The following DYNC2H1 variants were observed in gnomAD, a reference collection of about 807,000 sequenced individuals.
The protein encoded by DYNC2H1 is dynein cytoplasmic 2 heavy chain 1, also known as cytoplasmic dynein 2 heavy chain 1.
Under a neutral mutation model 570.0 loss-of-function variants are expected in DYNC2H1, and 410 were observed. The observed-to-expected ratio is 0.72, with a 90% CI of 0.66 to 0.78. The LOEUF (loss-of-function observed/expected upper bound fraction) is 0.78, where lower values mean the gene tolerates loss of function less well. Among genes scored for constraint, DYNC2H1 ranks in the 30% least tolerant of loss-of-function variants. The pLI, the probability that DYNC2H1 is intolerant of heterozygous loss-of-function variation, is 0.00. For missense variants in DYNC2H1, 4,865 were observed against 5,046.4 expected (o/e 0.96, Z 1.09); for synonymous variants, 1,688 against 1,677.6 (o/e 1.01, Z -0.15).
In DYNC2H1 at chr11:103,109,534, T is replaced by TCCTTCCC. The variant is rs754990231; in HGVS notation, c.-31_-25dup. 1.9e-6 allele frequency: 3 copies of TCCTTCCC among 1,585,398 alleles called. No homozygotes were observed. The East Asian group carries it at 6.8e-5, about 36-fold the overall frequency. ...ACTTCCCTCCGGACTGGTTTCTTCT[T>TCCTTCCC]CCTTCCCCCTTCCCCCAACTTCCCT... On this transcript the variant is annotated 5_prime_UTR_variant, in exon 1 of 89. Transcript: ENST00000375735.
chr11:103,303,083 T>C lies in DYNC2H1; in HGVS notation c.11096-10T>C, dbSNP rs1407544955. The C allele has an allele frequency of 4.2e-6, 6 of 1,439,274 alleles. No homozygotes were observed. The highest frequency in any genetic ancestry group is 2.8e-5 in the Admixed American group (1 of 35,890). The allele number at this position is 1,439,274 out of a possible 1,614,324, so 89.2% of individuals were successfully genotyped here. On this transcript the variant is annotated splice_polypyrimidine_tract_variant and intron_variant, in intron 75 of 88. Transcript: ENST00000375735. ...GCTTTTATTTTTAATTTTTAAAATA[T>C]ATATTTTAGGACTGAAAGAGGTGTC...
Position 103,244,046 on chromosome 11 carries a change from T to C in DYNC2H1, c.9918+255T>C, listed in dbSNP as rs1864519332. Among the ~76,000 whole-genome samples the C allele has an allele frequency of 6.6e-6, 1 of 152,120 alleles. No homozygotes were observed. The highest frequency in any genetic ancestry group is 2.4e-5 in the African/African-American group (1 of 41,452). On this transcript the variant is annotated intron_variant, in intron 64 of 88. Transcript: ENST00000375735. This position sits in a 1 kb window ranked among gnomAD's most constrained non-coding sequence, Gnocchi z 4.3. ...TTCCCTTATAAAGATGACAGTCTAG[T>C]AGGTTAGAGAAACAATTAAAGAAGC... is the stretch of plus-strand genomic sequence containing the variant.
chr11:103,456,242 T>C (rs1409485303), intron 86 of DYNC2H1, 33 bp from the exon 87 acceptor site: 1 of 1,541,434 alleles, frequency 6.5e-7, no homozygotes, highest in East Asian at 2.3e-5. Context: ...CTAAGGATTA[T>C]TGATTTGTGA....
chr11:103,288,456 A>C (rs1287650220), intron 75 of DYNC2H1, among the ~76,000 whole-genome samples: 1 of 151,874 alleles, frequency 6.6e-6, no homozygotes, highest in Admixed American at 6.6e-5. Flanking sequence ...TGACTCTGAA[A>C]CAATATTGAT....
rs377562838 is a variant in DYNC2H1 at position 103,122,860 on chromosome 11, A to T, written c.1521A>T (p.Leu507Phe). 6.2e-7 allele frequency: 1 copy of T among 1,613,256 alleles called. No homozygotes were observed. The highest frequency in any genetic ancestry group is 8.5e-7 in the Non-Finnish European group (1 of 1,179,550). ...CTATCAAGATTGCAGAGGCTCTTTT[A>T]TCTGACTTGCCAGGATTTCGATGTT... ...DDTIKIAEALLSDLPGFRCFH... is the reference protein window; with the variant it reads ...DDTIKIAEALFSDLPGFRCFH... The change falls in exon 11 of 89, where the codon TTA becomes TTT. Residue 507 changes from leucine to phenylalanine, a missense_variant. Leu to Phe is a conservative substitution (Grantham distance 22). This residue lies in a region of DYNC2H1 where 1,936 missense variants were observed against 1,962.1 expected (regional missense o/e 0.99). Transcript: ENST00000375735.
intron 66 of DYNC2H1, among the ~76,000 whole-genome samples, chr11:103,253,957 C>T (rs1206790359): frequency 6.6e-6 from 1 of 152,072 alleles, no homozygotes; most frequent in African/African-American, 2.4e-5. Flanking sequence ...CATGTCCATA[C>T]TCACATGTTT....
At chr11:103,420,666 C>A (rs1490070969) in intron 84 of DYNC2H1, among the ~76,000 whole-genome samples, 1 of 152,164 alleles carries the variant, frequency 6.6e-6, no homozygotes. Context: ...CCTTTTCAGA[C>A]AAGTAAATGC....
intron 87 of DYNC2H1, among the ~76,000 whole-genome samples, chr11:103,459,455 G>T (rs1016909912): frequency 5.9e-5 from 9 of 151,690 alleles, no homozygotes; most frequent in Non-Finnish European, 1.3e-4. Context: ...TGTAAGTCCC[G>T]CAAGAGTAGT....
At chr11:103,399,327 TG>T (rs1293776128) in intron 83 of DYNC2H1, among the ~76,000 whole-genome samples, 5 of 136,356 alleles carry the variant, frequency 3.7e-5, no homozygotes, top group African/African-American at 5.7e-5. Flanking sequence ...TTTTTTTTTT[TG>T]TATTTTTAGT....
At chr11:103,459,995 T>TGAA (rs1944956832) in intron 87 of DYNC2H1, among the ~76,000 whole-genome samples, 1 of 150,676 alleles carries the variant, frequency 6.6e-6, no homozygotes, top group African/African-American at 2.4e-5. Context: ...CTGAAGGACT[T>TGAA]AGAAAAGTTT....
Position 103,203,758 on chromosome 11 carries a change from T to G in DYNC2H1, c.8293T>G (p.Phe2765Val), listed in dbSNP as rs199503535. Residue 2765 changes from phenylalanine to valine, a missense_variant, in exon 51 of 89, where the codon TTC (phenylalanine) becomes GTC (valine). Physicochemically the swap from Phe to Val is conservative, Grantham distance 50. Coordinates refer to ENST00000375735, the MANE Select transcript of DYNC2H1 (RefSeq NM_001377.3). This position sits in a 1 kb window ranked among gnomAD's most constrained non-coding sequence, Gnocchi z 4.7. ...ASQDGFFGPV[F>V]NYFTYRIQQN... is the part of the protein sequence containing the mutation. Reference sequence around the variant, plus strand: ...ACAAGATGGTTTTTTTGGACCAGTCTTCAATTACTTCACATATAGTAAGTG... The same window carrying G: ...ACAAGATGGTTTTTTTGGACCAGTCGTCAATTACTTCACATATAGTAAGTG... 4.5e-4 allele frequency: 723 copies of G among 1,607,014 alleles called. 1 individual carries two copies. Among genetic ancestry groups the G allele is most frequent in the Non-Finnish European group, 5.8e-4 (684 of 1,175,928 alleles).
At chr11:103,344,196 T>C (rs1939622937) in intron 82 of DYNC2H1, among the ~76,000 whole-genome samples, 1 of 152,234 alleles carries the variant, frequency 6.6e-6, no homozygotes, top group South Asian at 2.1e-4. Flanking sequence ...CTGTAGAGAT[T>C]TTAGATAGAG....
At chr11:103,247,189 T>C (rs1197956312) in intron 65 of DYNC2H1, among the ~76,000 whole-genome samples, 1 of 152,020 alleles carries the variant, frequency 6.6e-6, no homozygotes, top group African/African-American at 2.4e-5. Flanking sequence ...ATCAAAAGTA[T>C]CTTCTATTAA....
At chr11:103,353,337 GGAT>G (rs1267735968) in intron 82 of DYNC2H1, among the ~76,000 whole-genome samples, 1 of 152,054 alleles carries the variant, frequency 6.6e-6, no homozygotes, top group Non-Finnish European at 1.5e-5. Context: ...TCCAGATATT[GGAT>G]GTATTATATG....
intron 83 of DYNC2H1, among the ~76,000 whole-genome samples, chr11:103,386,408 C>G (rs1200805128): frequency 6.6e-6 from 1 of 152,002 alleles, no homozygotes; most frequent in Non-Finnish European, 1.5e-5. Flanking sequence ...AATTAGCTTA[C>G]TCTTTGAGAG....
At chr11:103,335,033 A>T (rs888747666) in intron 82 of DYNC2H1, among the ~76,000 whole-genome samples, 2 of 152,254 alleles carry the variant, frequency 1.3e-5, no homozygotes, top group South Asian at 4.1e-4. Context: ...CATGATTACC[A>T]TATGTATTAG....
At chr11:103,329,444 G>T (rs1488830027) in intron 82 of DYNC2H1, among the ~76,000 whole-genome samples, 3 of 152,080 alleles carry the variant, frequency 2.0e-5, no homozygotes, top group Non-Finnish European at 4.4e-5. Context: ...GCAGTAGTTT[G>T]GGAGGGAAAG....
At position 103,239,662 on chromosome 11, in the gene DYNC2H1, TG is replaced by T. The variant is rs1864351411; in HGVS notation, c.9819+3124del. Among the ~76,000 whole-genome samples the T allele has an allele frequency of 6.6e-6, 1 of 151,954 alleles. No homozygotes were observed. Among genetic ancestry groups the T allele is most frequent in the South Asian group, 2.1e-4 (1 of 4,828 alleles). The stretch of plus-strand genomic sequence containing the variant: ...ATAGGAGTGTGTGTGTGTGTGTGTG[TG>T]TGTGTGTGTGTGTGTAACCTTATTT... On this transcript the variant is annotated intron_variant, in intron 63 of 88. Transcript: ENST00000375735. The surrounding 1 kb of genome is among the most constrained non-coding windows in gnomAD (Gnocchi z 4.3).
chr11:103,387,718 A>C (rs1485617555), intron 83 of DYNC2H1, among the ~76,000 whole-genome samples: 1 of 152,186 alleles, frequency 6.6e-6, no homozygotes, highest in Non-Finnish European at 1.5e-5. Context: ...CTTTCTATAT[A>C]TGGCTAGCCA....
Sources: gnomAD v4.1 joint callset for allele counts (sites outside exome capture counted in the v4.1 genomes callset) on GRCh38, gnomAD v4.1.1 for gene constraint, gnomAD v4.1.1 regional missense constraint, Gnocchi (gnomAD v3.1) non-coding constraint, MANE v1.5 for transcripts, NCBI Gene and HGNC (gene_info 2026-07-23, HGNC 2026-07-21) for gene names.